MTMR1: variants seen among roughly 807,000 people sequenced by gnomAD.
The protein encoded by MTMR1 is myotubularin related protein 1.
Under a neutral mutation model 51.6 loss-of-function variants are expected in MTMR1, and 17 were observed. The ratio of observed to expected loss-of-function variants is 0.33; its 90% CI spans 0.23 to 0.49. The LOEUF (loss-of-function observed/expected upper bound fraction) is 0.49. MTMR1 is among the 20% of genes least tolerant of loss of function. The pLI is 0.99. For synonymous variants in MTMR1, 201 were observed against 205.6 expected (o/e 0.98, Z 0.19); for missense variants, 386 against 526.9 (o/e 0.73, Z 2.62).
intron 11 of MTMR1, among the ~76,000 whole-genome samples, chrX:150,736,994 C>T (rs1197066211): frequency 9.0e-6 from 1 of 111,570 alleles, no homozygotes; most frequent in East Asian, 2.8e-4. Context: ...TTTTAAAGAA[C>T]TTCGTGGCCC....
intron 10 of MTMR1, 141 bp downstream of exon 10, chrX:150,732,871 T>G: frequency 1.7e-6 from 1 of 574,871 alleles, no homozygotes. Context: ...TCCTCCCTGG[T>G]GTATGCTCCT....
chrX:150,704,973 A>G (rs1557416027), intron 2 of MTMR1, among the ~76,000 whole-genome samples: 1 of 107,537 alleles, frequency 9.3e-6, no homozygotes, highest in African/African-American at 3.3e-5. Context: ...TTCAATAAGC[A>G]ATTGCAGGTA....
chrX:150,718,807 A>G, intron 4 of MTMR1, 107 bp downstream of exon 4: 1 of 728,071 alleles, frequency 1.4e-6, no homozygotes, highest in Non-Finnish European at 2.0e-6. Flanking sequence ...GACCAACTTA[A>G]TTAGGGGACA....
chrX:150,762,435 G>A (rs782479496), intron 15 of MTMR1, 130 bp from the exon 16 acceptor site: 42 of 843,493 alleles, frequency 5.0e-5, no homozygotes, highest in Non-Finnish European at 6.6e-5. Context: ...ATCGGTCAAC[G>A]CCTCAGGAGA....
intron 13 of MTMR1, among the ~76,000 whole-genome samples, chrX:150,749,423 G>A (rs782530056): frequency 2.7e-5 from 3 of 112,559 alleles, no homozygotes; most frequent in Non-Finnish European, 5.6e-5. Flanking sequence ...AGCATGCTGG[G>A]TAGTACTATT....
chrX:150,696,111 A>G (rs982515793), intron 1 of MTMR1, among the ~76,000 whole-genome samples: 2 of 111,495 alleles, frequency 1.8e-5, no homozygotes, highest in Non-Finnish European at 3.8e-5. Flanking sequence ...ACTAGTGGAC[A>G]GGTCTTGTAG....
At chrX:150,727,117 A>G (rs781925892) in intron 4 of MTMR1, 98 bp from the exon 5 acceptor site, 70 of 509,504 alleles carry the variant, frequency 1.4e-4, no homozygotes, top group African/African-American at 1.1e-3. Context: ...AATTCCTGGA[A>G]AACTGGAATC....
chrX:150,693,587 C>T lies in MTMR1; in HGVS notation c.57C>T (p.Asn19=). 1.3e-6 allele frequency: 1 copy of T among 759,881 alleles called. No homozygotes were observed. The highest frequency in any genetic ancestry group is 1.6e-6 in the Non-Finnish European group (1 of 643,594). The allele number at this position is 759,881 out of a possible 1,213,427, so 62.6% of individuals were successfully genotyped here. The change falls in exon 1 of 16, where the codon AAC becomes AAT. Residue 19 remains asparagine, a synonymous_variant. Coordinates refer to ENST00000445323, the MANE Select transcript of MTMR1 (RefSeq NM_001306144.3). ...AAGCEGGGGP[N]PGPAGGRRPP... ...GCTGCGAGGGCGGCGGGGGCCCGAACCCGGGGCCGGCGGGCGGCAGGAGGC... is the reference window on the plus strand; with the variant it reads ...GCTGCGAGGGCGGCGGGGGCCCGAATCCGGGGCCGGCGGGCGGCAGGAGGC...
chrX:150,717,382 A>G (rs1219245805), intron 3 of MTMR1, among the ~76,000 whole-genome samples: 2 of 93,642 alleles, frequency 2.1e-5, no homozygotes, highest in Non-Finnish European at 4.3e-5. Context: ...AAAAAAAAAA[A>G]GGAGAAGAAA....
At chrX:150,735,621 G>T in intron 10 of MTMR1, 1 of 362,784 alleles carries the variant, frequency 2.8e-6, no homozygotes, top group South Asian at 7.7e-5. Flanking sequence ...TCCACATTAT[G>T]ACCAGAGTGA....
chrX:150,727,744 G>C lies in MTMR1; in HGVS notation c.508G>C (p.Ala170Pro), dbSNP rs1557416830. 1 of 1,211,155 alleles carries C rather than the reference G, an allele frequency of 8.3e-7. No individual in the cohort carries two copies. The highest frequency in any genetic ancestry group is 3.0e-5 in the East Asian group (1 of 33,845). ...GVISRVEKIG[A>P]QSHGDNSCGI... ...GATCAGCAGAGTGGAGAAGATTGGAGCACAGAGCCATGGAGACAATTCCTG... is the reference window on the plus strand; with the variant it reads ...GATCAGCAGAGTGGAGAAGATTGGACCACAGAGCCATGGAGACAATTCCTG... The change falls in exon 6 of 16, where the codon GCA becomes CCA. Residue 170 changes from alanine to proline, a missense_variant. Ala to Pro is a conservative substitution (Grantham distance 27). Transcript: ENST00000445323.
chrX:150,762,291 T>G (rs2043163195), intron 15 of MTMR1, among the ~76,000 whole-genome samples: 1 of 112,331 alleles, frequency 8.9e-6, no homozygotes, highest in Admixed American at 9.4e-5. Context: ...CCTGCTTGTC[T>G]TCTGAGAAAC....
At chrX:150,734,631 A>G (rs2042212704) in intron 10 of MTMR1, among the ~76,000 whole-genome samples, 1 of 112,863 alleles carries the variant, frequency 8.9e-6, no homozygotes, top group South Asian at 3.6e-4. Context: ...CCCATGCAGG[A>G]GAGATAGAGA....
At chrX:150,744,300 C>T in intron 12 of MTMR1, 61 bp from the exon 13 acceptor site, 1 of 958,176 alleles carries the variant, frequency 1.0e-6, no homozygotes, top group South Asian at 2.1e-5. Flanking sequence ...GGACAACTTA[C>T]AGTGACTTTC....
At chrX:150,761,752 C>A (rs782590813) in intron 15 of MTMR1, among the ~76,000 whole-genome samples, 23 of 112,382 alleles carry the variant, frequency 2.0e-4, no homozygotes, top group African/African-American at 7.1e-4. Context: ...CCAAAGAGCT[C>A]CAGGTGAGAA....
rs1416438187 is a variant in MTMR1, at chrX:150,730,584, T to A, written c.717T>A (p.Asp239Glu). 1.7e-6 allele frequency: 2 copies of A among 1,151,449 alleles called. No individual in the cohort carries two copies. The highest frequency in any genetic ancestry group is 4.6e-5 in the Admixed American group (2 of 43,273). 94.9% of individuals were successfully genotyped at this position (1,151,449 alleles called of 1,213,427 possible). The change falls in exon 8 of 16, where the codon GAT (aspartate) becomes GAA (glutamate). Residue 239 changes from aspartate to glutamate, a missense_variant. Coordinates refer to ENST00000445323, the MANE Select transcript of MTMR1 (RefSeq NM_001306144.3). ...CAATTAATGGCTGGAAAGTTTATGA[T>A]CCAGTATCTGAATATAAGAGACAGG... Reference protein sequence around the residue: ...KFPINGWKVYDPVSEYKRQGL... With the variant: ...KFPINGWKVYEPVSEYKRQGL...
intron 7 of MTMR1, 53 bp downstream of exon 7, chrX:150,730,263 T>G (rs1401883209): frequency 3.4e-6 from 3 of 873,087 alleles, no homozygotes; most frequent in Non-Finnish European, 4.7e-6. Context: ...GGTCCAAATA[T>G]CCTATGTTTA....
intron 13 of MTMR1, among the ~76,000 whole-genome samples, chrX:150,745,005 G>A (rs984372651): frequency 1.2e-4 from 13 of 112,624 alleles, no homozygotes; most frequent in Non-Finnish European, 1.9e-4. Context: ...ACAGGGCCCT[G>A]GTAAAGAAGG....
chrX:150,703,319 G>T (rs1392454752), intron 2 of MTMR1, among the ~76,000 whole-genome samples: 2 of 112,108 alleles, frequency 1.8e-5, no homozygotes, highest in Non-Finnish European at 3.8e-5. Context: ...GCTTGGATTA[G>T]ATTATTCACC....
Sources: allele counts gnomAD v4.1 joint callset (sites outside exome capture counted in the v4.1 genomes callset), GRCh38; gene constraint gnomAD v4.1.1; transcripts MANE v1.5; gene names NCBI Gene and HGNC (gene_info 2026-07-23, HGNC 2026-07-21).